The following TRPM6 variants were observed in gnomAD, a reference collection of about 807,000 sequenced individuals.
TRPM6 encodes the protein channel kinase 2.
Under a neutral mutation model 247.6 loss-of-function variants are expected in TRPM6, and 111 were observed. The observed-to-expected ratio is 0.45, with a 90% confidence interval of 0.38 to 0.52. The LOEUF (loss-of-function observed/expected upper bound fraction) is 0.52, where lower values mean the gene tolerates loss of function less well. TRPM6 is among the 20% of genes least tolerant of loss of function. The pLI is 0.00. For missense variants in TRPM6, 2,126 were observed against 2,421.5 expected, an observed-to-expected ratio of 0.88 and a Z score of 2.56; for synonymous variants, 892 against 853.8, an observed-to-expected ratio of 1.04 and a Z score of -0.78.
chr9:74,864,161 G>C (rs1587595312), intron 1 of TRPM6, among the ~76,000 whole-genome samples: 1 of 152,102 alleles, frequency 6.6e-6, no homozygotes, highest in East Asian at 1.9e-4. Flanking sequence ...CTTCAAAAGA[G>C]AGCATTATTT....
At chr9:74,794,640 T>C (rs1828025104) in intron 18 of TRPM6, among the ~76,000 whole-genome samples, 1 of 152,212 alleles carries the variant, frequency 6.6e-6, no homozygotes. Context: ...ACTTCTCTTA[T>C]TATTTTTCTA....
chr9:74,743,120 A>G (rs1006592289), intron 32 of TRPM6, among the ~76,000 whole-genome samples: 2 of 152,216 alleles, frequency 1.3e-5, no homozygotes, highest in Admixed American at 1.3e-4. Context: ...CTAACAGATC[A>G]GAGTCAATAT....
intron 15 of TRPM6, among the ~76,000 whole-genome samples, chr9:74,803,197 A>G (rs747894791): frequency 6.6e-6 from 1 of 152,196 alleles, no homozygotes; most frequent in Admixed American, 6.5e-5. Flanking sequence ...TTCAGCTAAC[A>G]TAATAACCAT....
chr9:74,826,956 C>G (rs1220373421), intron 7 of TRPM6: 1 of 152,196 alleles, frequency 6.6e-6, no homozygotes, highest in Non-Finnish European at 1.5e-5. Context: ...CCAGGTTGGT[C>G]TCGACTCCTG....
At chr9:74,736,309 GCTC>G (rs920429316) in intron 36 of TRPM6, among the ~76,000 whole-genome samples, 1 of 152,070 alleles carries the variant, frequency 6.6e-6, no homozygotes, top group Non-Finnish European at 1.5e-5. Context: ...CAACTCCAGA[GCTC>G]CTCCTCCTAA....
chr9:74,733,330 T>C (rs147992327), intron 36 of TRPM6, among the ~76,000 whole-genome samples: 7 of 152,318 alleles, frequency 4.6e-5, no homozygotes, highest in East Asian at 1.9e-4. Context: ...AAATGCACTA[T>C]AAAAATTGTT....
rs1829092300 is a variant in TRPM6 at position 74,820,283 on chromosome 9, TC to T, written c.1134+20del. The T allele has an allele frequency of 6.2e-7, 1 of 1,610,532 alleles. No individual in the cohort carries two copies. The highest frequency in any genetic ancestry group is 1.3e-5 in the African/African-American group (1 of 74,852). ...ATTAGCAGTTCTTAAGTCAGTTGAA[TC>T]ATCAACTCGTCATACTCACACAATC... On this transcript the variant is annotated intron_variant, in intron 9 of 38. Coordinates refer to ENST00000360774, the MANE Select transcript of TRPM6 (RefSeq NM_017662.5).
chr9:74,883,944 G>A (rs1831444828), intron 1 of TRPM6, among the ~76,000 whole-genome samples: 1 of 152,130 alleles, frequency 6.6e-6, no homozygotes, highest in Non-Finnish European at 1.5e-5. Context: ...GAGGTCGGGA[G>A]TTCGAGACCA....
intron 23 of TRPM6, among the ~76,000 whole-genome samples, chr9:74,782,022 T>C (rs1037728047): frequency 6.6e-6 from 1 of 152,176 alleles, no homozygotes; most frequent in African/African-American, 2.4e-5. Context: ...ATAGAGAATT[T>C]AGAGATGCTT....
intron 4 of TRPM6, among the ~76,000 whole-genome samples, chr9:74,841,028 A>G (rs1829920731): frequency 6.6e-6 from 1 of 152,156 alleles, no homozygotes; most frequent in Non-Finnish European, 1.5e-5. Flanking sequence ...TTAAGATTCT[A>G]GAGCATGGAC....
chr9:74,758,735 T>C (rs979718006), intron 27 of TRPM6, among the ~76,000 whole-genome samples: 1 of 152,182 alleles, frequency 6.6e-6, no homozygotes, highest in Non-Finnish European at 1.5e-5. Context: ...GGAAAAGATA[T>C]CTGCTTTTAT....
chr9:74,813,611 G>A (rs1336175808), intron 11 of TRPM6, among the ~76,000 whole-genome samples: 1 of 152,154 alleles, frequency 6.6e-6, no homozygotes, highest in East Asian at 1.9e-4. Context: ...TCACCCTACT[G>A]TGAAACTCAA....
intron 19 of TRPM6, among the ~76,000 whole-genome samples, chr9:74,789,254 G>A (rs1356596612): frequency 6.6e-6 from 1 of 152,172 alleles, no homozygotes; most frequent in African/African-American, 2.4e-5. Flanking sequence ...GTCCAACTGT[G>A]AGCCCTTTTA....
At chr9:74,873,547 A>G (rs1831093796) in intron 1 of TRPM6, among the ~76,000 whole-genome samples, 1 of 152,220 alleles carries the variant, frequency 6.6e-6, no homozygotes, top group Non-Finnish European at 1.5e-5. Context: ...CTGTTTCCCA[A>G]AATATATTTG....
intron 13 of TRPM6, among the ~76,000 whole-genome samples, chr9:74,809,899 G>A (rs1193605225): frequency 1.5e-5 from 2 of 132,996 alleles, no homozygotes; most frequent in Non-Finnish European, 3.1e-5. Flanking sequence ...AGAATCACTT[G>A]AACCAAGAGG....
chr9:74,771,192 A>G (rs1018349715), intron 25 of TRPM6, among the ~76,000 whole-genome samples: 2 of 152,050 alleles, frequency 1.3e-5, no homozygotes, highest in African/African-American at 4.8e-5. Flanking sequence ...TCAGGCCTCC[A>G]CTCAATGCCC....
intron 23 of TRPM6, among the ~76,000 whole-genome samples, chr9:74,778,149 G>A (rs890907082): frequency 3.0e-4 from 45 of 152,166 alleles, no homozygotes; most frequent in African/African-American, 1.1e-3. Context: ...GAGAATCAGA[G>A]CCTTTGAAAT....
At chr9:74,726,441 C>T (rs548390906) in intron 38 of TRPM6, among the ~76,000 whole-genome samples, 6 of 152,098 alleles carry the variant, frequency 3.9e-5, no homozygotes, top group Non-Finnish European at 7.3e-5. Context: ...ACCCGGGAGA[C>T]GGAGGTTGCA....
At chr9:74,870,387 G>T (rs1830983139) in intron 1 of TRPM6, among the ~76,000 whole-genome samples, 1 of 152,046 alleles carries the variant, frequency 6.6e-6, no homozygotes, top group Admixed American at 6.6e-5. Context: ...TTGGGATAAA[G>T]GATAAGAGTA....
Sources: allele counts gnomAD v4.1 joint callset (sites outside exome capture counted in the v4.1 genomes callset), GRCh38; gene constraint gnomAD v4.1.1; transcripts MANE v1.5; gene names NCBI Gene and HGNC (gene_info 2026-07-23, HGNC 2026-07-21).